The following CUL4A variants were observed in gnomAD, a reference collection of about 807,000 sequenced individuals.
CUL4A encodes cullin 4A, also known as cullin-4A.
A neutral mutation model predicts 95.5 loss-of-function variants in CUL4A; 16 were observed. The ratio of observed to expected loss-of-function variants is 0.17; its 90% CI spans 0.11 to 0.25. The LOEUF (loss-of-function observed/expected upper bound fraction) is 0.25. Ranked by LOEUF, CUL4A falls within the 10% of genes least tolerant of loss-of-function variation. The pLI, the probability that CUL4A is intolerant of heterozygous loss-of-function variation, is 1.00. For synonymous variants in CUL4A, 380 were observed against 353.1 expected, an observed-to-expected ratio of 1.08 and a Z score of -0.85; for missense variants, 610 against 937.0, an observed-to-expected ratio of 0.65 and a Z score of 4.56.
intron 18 of CUL4A, among the ~76,000 whole-genome samples, chr13:113,255,574 C>A (rs971006606): frequency 6.6e-6 from 1 of 152,150 alleles, no homozygotes; most frequent in African/African-American, 2.4e-5. Context: ...ATCCCTGTCT[C>A]CCTCCGAGCC....
chr13:113,254,156 G>T (rs1259868109), intron 16 of CUL4A, among the ~76,000 whole-genome samples: 1 of 152,010 alleles, frequency 6.6e-6, no homozygotes, highest in African/African-American at 2.4e-5. Context: ...GGCTGGGTCC[G>T]CAGAGGGGGC....
Position 113,228,059 on chromosome 13 carries a change from CT to C in CUL4A, c.438+19del. The C allele has an allele frequency of 6.2e-7, 1 of 1,603,936 alleles. No individual in the cohort carries two copies. Among genetic ancestry groups the C allele is most frequent in the Non-Finnish European group, 8.5e-7 (1 of 1,170,962 alleles). On this transcript the variant is annotated intron_variant, in intron 4 of 19. Coordinates refer to ENST00000375440, the MANE Select transcript of CUL4A (RefSeq NM_001008895.4). The stretch of plus-strand genomic sequence containing the variant: ...TGCAGACAAATGGTAAGCTTGTTCA[CT>C]TTTTCATCAAAACACGACCTCATCC...
At chr13:113,248,089 G>A (rs1349729237) in intron 15 of CUL4A, among the ~76,000 whole-genome samples, 1 of 152,130 alleles carries the variant, frequency 6.6e-6, no homozygotes, top group Non-Finnish European at 1.5e-5. Flanking sequence ...TGAAGGTGCT[G>A]GCTGGTTTCT....
At chr13:113,210,616 G>A (rs779035302) in intron 2 of CUL4A, among the ~76,000 whole-genome samples, 2 of 152,154 alleles carry the variant, frequency 1.3e-5, no homozygotes, top group Non-Finnish European at 2.9e-5. Context: ...CAAAGTGATG[G>A]TGTTCCGTTT....
At chr13:113,258,892 A>AG (rs2042199767) in intron 18 of CUL4A, among the ~76,000 whole-genome samples, 2 of 152,228 alleles carry the variant, frequency 1.3e-5, no homozygotes, top group Non-Finnish European at 2.9e-5. Flanking sequence ...AGGCCTGATC[A>AG]GGGAGCCACA....
intron 3 of CUL4A, among the ~76,000 whole-genome samples, chr13:113,227,518 A>G (rs2041149513): frequency 6.6e-6 from 1 of 152,190 alleles, no homozygotes. Flanking sequence ...TTTTGGGGGG[A>G]CATGAACATT....
At chr13:113,242,213 C>T (rs111442909) in intron 10 of CUL4A, among the ~76,000 whole-genome samples, 1 of 151,070 alleles carries the variant, frequency 6.6e-6, no homozygotes, top group Non-Finnish European at 1.5e-5. Flanking sequence ...TGCAGTGAGC[C>T]GAGATCACGC....
At chr13:113,208,509 GA>G, upstream of CUL4A, 2 of 1,553,888 alleles carry the variant, frequency 1.3e-6, no homozygotes, top group Non-Finnish European at 1.7e-6. Context: ...GGCGGGAAAG[GA>G]AAAGGCCTGA....
chr13:113,229,125 A>G (rs1268595981), intron 4 of CUL4A, among the ~76,000 whole-genome samples: 1 of 152,086 alleles, frequency 6.6e-6, no homozygotes, highest in Admixed American at 6.5e-5. Context: ...TCTCAAGACA[A>G]AAAAAAGAAA....
At chr13:113,263,438 G>C in intron 19 of CUL4A, 49 bp from the exon 20 acceptor site, 1 of 1,157,042 alleles carries the variant, frequency 8.6e-7, no homozygotes, top group Non-Finnish European at 1.3e-6. Context: ...GTAAATGTTT[G>C]TAAATTTAAT....
At chr13:113,223,819 A>G (rs894904423) in intron 3 of CUL4A, among the ~76,000 whole-genome samples, 1 of 152,246 alleles carries the variant, frequency 6.6e-6, no homozygotes, top group Non-Finnish European at 1.5e-5. Flanking sequence ...ATTCACTACC[A>G]TCTTCTTCGT....
At chr13:113,239,374 T>A (rs2041639852) in intron 9 of CUL4A, 59 bp from the exon 10 acceptor site, 1 of 1,395,358 alleles carries the variant, frequency 7.2e-7, no homozygotes, top group South Asian at 1.2e-5. Flanking sequence ...TGTATTCTAG[T>A]TGAGTTGTTG....
chr13:113,219,335 C>A, intron 3 of CUL4A: 1 of 271,968 alleles, frequency 3.7e-6, no homozygotes, highest in Non-Finnish European at 7.0e-6. Context: ...ACACCATCTG[C>A]ATTGGCTTTC....
chr13:113,244,389 A>T, intron 11 of CUL4A, 21 bp from the exon 12 acceptor site: 1 of 1,563,802 alleles, frequency 6.4e-7, no homozygotes, highest in Non-Finnish European at 8.8e-7. Context: ...TAGAGTATTT[A>T]CTATATGTTT....
intron 3 of CUL4A, among the ~76,000 whole-genome samples, chr13:113,224,530 G>A (rs944628452): frequency 1.3e-5 from 2 of 152,232 alleles, no homozygotes; most frequent in East Asian, 1.9e-4. Flanking sequence ...GGAAGGGCAC[G>A]GGAGTGAGCT....
chr13:113,234,011 T>A, intron 7 of CUL4A, 25 bp downstream of exon 7: 1 of 1,487,672 alleles, frequency 6.7e-7, no homozygotes, highest in East Asian at 2.3e-5. Context: ...TGTTTCCGAA[T>A]CCCCTGGCTT....
intron 3 of CUL4A, among the ~76,000 whole-genome samples, chr13:113,222,811 G>A (rs1324974139): frequency 6.6e-6 from 1 of 152,154 alleles, no homozygotes; most frequent in African/African-American, 2.4e-5. Flanking sequence ...GAGGTGGGAG[G>A]ATTGCACGAG....
At chr13:113,248,807 A>G (rs1334282822) in intron 15 of CUL4A, among the ~76,000 whole-genome samples, 1 of 152,252 alleles carries the variant, frequency 6.6e-6, no homozygotes, top group East Asian at 1.9e-4. Context: ...TGTTAACAGT[A>G]CAGTAACAGA....
Position 113,260,619 on chromosome 13 carries a change from G to T in CUL4A, c.2044G>T (p.Val682Phe). ...CTTTTTTATACAGGTTGAGGAACAG[G>T]TTAGCACCACTGAGAGAGTGTTTCA... The part of the protein sequence containing the change: ...IQMKETVEEQ[V>F]STTERVFQDR... The change falls in exon 19 of 20, where the codon GTT becomes TTT. Residue 682 changes from valine (V) to phenylalanine (F), a missense_variant. This residue lies in a region of CUL4A where 28 missense variants were observed against 86.4 expected (regional missense o/e 0.32). Coordinates refer to ENST00000375440, the MANE Select transcript of CUL4A (RefSeq NM_001008895.4). The T allele has an allele frequency of 6.2e-7, 1 of 1,609,798 alleles. No homozygotes were observed. The highest frequency in any genetic ancestry group is 8.5e-7 in the Non-Finnish European group (1 of 1,178,982).
Sources: allele counts gnomAD v4.1 joint callset (sites outside exome capture counted in the v4.1 genomes callset), GRCh38; gene constraint gnomAD v4.1.1; regional missense constraint gnomAD v4.1.1; transcripts MANE v1.5; gene names NCBI Gene and HGNC (gene_info 2026-07-23, HGNC 2026-07-21).